Variants in PITPNM2 observed in about 807,000 individuals in gnomAD.
The protein encoded by PITPNM2 is membrane-associated phosphatidylinositol transfer protein 2.
A neutral mutation model predicts 132.2 loss-of-function variants in PITPNM2; 35 were observed. The ratio of observed to expected loss-of-function variants is 0.26; its 90% CI spans 0.20 to 0.35. PITPNM2 has a LOEUF of 0.35. PITPNM2 is among the 10% of genes least tolerant of loss of function. PITPNM2 has a pLI of 1.00. For missense variants in PITPNM2, 1,332 were observed against 1,912.0 expected, an observed-to-expected ratio of 0.70 and a Z score of 5.66; for synonymous variants, 738 against 799.2, an observed-to-expected ratio of 0.92 and a Z score of 1.29.
Position 122,987,586 on chromosome 12 carries a change from C to G in PITPNM2, c.3188G>C (p.Ser1063Thr), listed in dbSNP as rs755001494. Residue 1063 changes from serine (S) to threonine (T), a missense_variant, in exon 22 of 26, where the codon AGT becomes ACT. Ser to Thr is a moderately conservative substitution (Grantham distance 58). Coordinates refer to ENST00000320201, the MANE Select transcript of PITPNM2 (RefSeq NM_020845.3). Reference protein sequence around the residue: ...LYLDTLVTNNSGRVSYTIPES... With the variant: ...LYLDTLVTNNTGRVSYTIPES... Reference sequence around the variant, plus strand: ...AGGGATGGTGTAGGAGACACGCCCACTGTTGTTGGTCACCAGCGTATCCAG... The same window carrying G: ...AGGGATGGTGTAGGAGACACGCCCAGTGTTGTTGGTCACCAGCGTATCCAG... 7 of 1,613,984 alleles carry G rather than the reference C, an allele frequency of 4.3e-6. No homozygotes were observed. Among genetic ancestry groups the G allele is most frequent in the Non-Finnish European group, 5.9e-6 (7 of 1,180,022 alleles).
Position 123,095,085 on chromosome 12 carries a change from T to G in PITPNM2, c.-96+15300A>C, listed in dbSNP as rs2042371822. Among the ~76,000 whole-genome samples the G allele has an allele frequency of 1.3e-5, 2 of 152,214 alleles. No individual in the cohort carries two copies. Among genetic ancestry groups the G allele is most frequent in the South Asian group, 4.1e-4 (2 of 4,832 alleles). On this transcript the variant is annotated intron_variant, in intron 2 of 25. Transcript: ENST00000320201. The surrounding 1 kb of genome is among the most constrained non-coding windows in gnomAD (Gnocchi z 5.0). ...GGCACTGGGGCTCACAGCACGGCAG[T>G]GCGTCCACATTAGGGTGGCTGCTGG... is the stretch of plus-strand genomic sequence containing the variant.
chr12:123,023,589 C>T lies in PITPNM2; in HGVS notation c.79-9547G>A, dbSNP rs948761396. 3.3e-5 allele frequency among the ~76,000 whole-genome samples: 5 copies of T among 152,206 alleles called. No homozygotes were observed. Among genetic ancestry groups the T allele is most frequent in the Admixed American group, 6.5e-5 (1 of 15,282 alleles). On this transcript the variant is annotated intron_variant, in intron 3 of 25. Coordinates refer to ENST00000320201, the MANE Select transcript of PITPNM2 (RefSeq NM_020845.3). This position sits in a 1 kb window ranked among gnomAD's most constrained non-coding sequence, Gnocchi z 4.8. ...CCTGGGCAATGCACAAGTCCACAGA[C>T]TCCCCAGAGGACGCCACCTTCTCAC...
intron 3 of PITPNM2, among the ~76,000 whole-genome samples, chr12:123,020,493 G>A (rs1197285432): frequency 3.3e-5 from 5 of 152,164 alleles, no homozygotes; most frequent in Non-Finnish European, 5.9e-5. Flanking sequence ...TCTAATCTGG[G>A]TCCCAGGAAG....
chr12:123,124,661 G>A (rs1183174495), intron 1 of PITPNM2, among the ~76,000 whole-genome samples: 1 of 152,086 alleles, frequency 6.6e-6, no homozygotes, highest in Non-Finnish European at 1.5e-5. Context: ...ATGTTGGTGT[G>A]CTACACCCAT....
intron 2 of PITPNM2, among the ~76,000 whole-genome samples, chr12:123,043,320 G>A (rs2040553728): frequency 6.6e-6 from 1 of 152,102 alleles, no homozygotes; most frequent in Non-Finnish European, 1.5e-5. Flanking sequence ...GGTTCATGAG[G>A]CAGGGGTGGC....
At chr12:123,129,431 A>T (rs1360138804) in intron 1 of PITPNM2, among the ~76,000 whole-genome samples, 2 of 151,016 alleles carry the variant, frequency 1.3e-5, no homozygotes, top group African/African-American at 2.4e-5. Flanking sequence ...TTAGCTGGGC[A>T]TGGTGGCGGG....
In PITPNM2 at chr12:123,000,582, A is replaced by G; in HGVS notation, c.1224+196T>C. 1 of 673,116 alleles carries G rather than the reference A, an allele frequency of 1.5e-6. No individual in the cohort carries two copies. The highest frequency in any genetic ancestry group is 2.6e-6 in the Non-Finnish European group (1 of 378,486). The allele number at this position is 673,116 out of a possible 1,614,324, so 41.7% of individuals were successfully genotyped here. A position where few individuals can be genotyped will look rare whatever the true frequency, so the allele number is the denominator to read the frequency against. ...CCTGGTTCTCGGGGACCTCAGAGAC[A>G]GAGGGCGACAGGCGCCTTCCTAGCA... On this transcript the variant is annotated intron_variant, in intron 10 of 25. Transcript: ENST00000320201. This position sits in a 1 kb window ranked among gnomAD's most constrained non-coding sequence, Gnocchi z 5.4.
intron 2 of PITPNM2, among the ~76,000 whole-genome samples, chr12:123,085,306 G>A (rs1383044881): frequency 1.3e-5 from 2 of 152,124 alleles, no homozygotes; most frequent in Non-Finnish European, 2.9e-5. Flanking sequence ...GGCAGCACCT[G>A]GTATAGGGTC....
chr12:123,068,651 C>T (rs1045885123), intron 2 of PITPNM2, among the ~76,000 whole-genome samples: 1 of 152,174 alleles, frequency 6.6e-6, no homozygotes, highest in Non-Finnish European at 1.5e-5. Context: ...CCCTACCTGT[C>T]TCCACTTTTG....
At chr12:123,067,648 T>G (rs1408514052) in intron 2 of PITPNM2, among the ~76,000 whole-genome samples, 1 of 152,210 alleles carries the variant, frequency 6.6e-6, no homozygotes, top group Admixed American at 6.5e-5. Context: ...CTTGGAGCTT[T>G]CAGAGGGAGT....
chr12:123,139,152 A>T (rs2043444974), intron 1 of PITPNM2, among the ~76,000 whole-genome samples: 2 of 152,200 alleles, frequency 1.3e-5, no homozygotes, highest in African/African-American at 2.4e-5. Flanking sequence ...AAATAAATAA[A>T]TAATTAAAAT....
chr12:123,023,309 G>A lies in PITPNM2; in HGVS notation c.79-9267C>T, dbSNP rs533829110. ...GTGCATGCGTGCACACACATGTGGCGTGTGTGTGCATGCAGGAGCCAAGGC... is the reference window on the plus strand; with the variant it reads ...GTGCATGCGTGCACACACATGTGGCATGTGTGTGCATGCAGGAGCCAAGGC... On this transcript the variant is annotated intron_variant, in intron 3 of 25. Coordinates refer to ENST00000320201, the MANE Select transcript of PITPNM2 (RefSeq NM_020845.3). The surrounding 1 kb of genome is among the most constrained non-coding windows in gnomAD (Gnocchi z 4.8). Among the ~76,000 whole-genome samples the A allele has an allele frequency of 7.0e-4, 106 of 152,316 alleles. 2 individuals carry two copies. In the South Asian group the frequency reaches 9.9e-3, roughly 14 times the overall value.
At chr12:123,001,241 C>T (rs1025762746) in intron 8 of PITPNM2, 83 bp from the exon 9 acceptor site, 14 of 1,033,800 alleles carry the variant, frequency 1.4e-5, no homozygotes, top group Admixed American at 1.8e-5. Context: ...CCCCTGTGTA[C>T]GGCTCTGCTC....
At position 122,984,335 on chromosome 12, in the gene PITPNM2, C is replaced by T. The variant is rs1201528216; in HGVS notation, c.*1692G>A. The T allele has an allele frequency of 2.6e-5, 4 of 152,628 alleles. No homozygotes were observed. The highest frequency in any genetic ancestry group is 4.8e-5 in the African/African-American group (2 of 41,448). 9.5% of individuals were successfully genotyped at this position (152,628 alleles called of 1,614,324 possible). On this transcript the variant is annotated 3_prime_UTR_variant, in exon 26 of 26. Transcript: ENST00000320201. ...AGGAGGAGGCACTGGCCACAGGGCC[C>T]CTGACAGGGGCTGTGATTGTCGGGC...
chr12:123,067,453 TCACACACACACACA>T (rs55716436), intron 2 of PITPNM2, among the ~76,000 whole-genome samples: 50 of 136,740 alleles, frequency 3.7e-4, no homozygotes, highest in Admixed American at 1.3e-3. Context: ...TGAAACTCCA[TCACACACACACACA>T]CACACACACA....
intron 2 of PITPNM2, among the ~76,000 whole-genome samples, chr12:123,100,335 T>C (rs565496907): frequency 6.6e-6 from 1 of 152,276 alleles, no homozygotes; most frequent in East Asian, 1.9e-4. Flanking sequence ...CAATAAAAAC[T>C]TGTACACAAG....
Position 123,004,631 on chromosome 12 carries a change from A to G in PITPNM2, c.953-142T>C, listed in dbSNP as rs766992144. ...GCCACAGGAGCCAGGAAGGTTCCGA[A>G]GAGAATGAAGTGTGTAAATGAGTGG... On this transcript the variant is annotated intron_variant, in intron 7 of 25. Transcript: ENST00000320201. The surrounding 1 kb of genome is among the most constrained non-coding windows in gnomAD (Gnocchi z 4.9). The G allele has an allele frequency of 8.0e-4, 592 of 741,028 alleles. 3 individuals are homozygous for G. The highest frequency in any genetic ancestry group is 1.3e-3 in the Non-Finnish European group (550 of 425,996). 45.9% of individuals were successfully genotyped at this position (741,028 alleles called of 1,614,324 possible). A position where few individuals can be genotyped will look rare whatever the true frequency, so the allele number is the denominator to read the frequency against.
chr12:122,995,003 C>T, intron 14 of PITPNM2, 24 bp from the exon 15 acceptor site: 1 of 1,572,490 alleles, frequency 6.4e-7, no homozygotes, highest in Non-Finnish European at 8.6e-7. Context: ...TAAGACTTAG[C>T]TGTCATGTGG....
chr12:123,069,765 T>C (rs1177399851), intron 2 of PITPNM2, among the ~76,000 whole-genome samples: 1 of 152,208 alleles, frequency 6.6e-6, no homozygotes, highest in Non-Finnish European at 1.5e-5. Flanking sequence ...CCACAGCAGT[T>C]GCTTAATAAA....
Sources: gnomAD v4.1 joint callset for allele counts (sites outside exome capture counted in the v4.1 genomes callset) on GRCh38, gnomAD v4.1.1 for gene constraint, Gnocchi (gnomAD v3.1) non-coding constraint, MANE v1.5 for transcripts, NCBI Gene and HGNC (gene_info 2026-07-23, HGNC 2026-07-21) for gene names.